The following FANCA variants were observed in gnomAD, a reference collection of about 807,000 sequenced individuals.
FANCA encodes Fanconi anemia group A protein.
A neutral mutation model predicts 194.3 loss-of-function variants in FANCA; 236 were observed. The observed-to-expected ratio is 1.21, with a 90% CI of 1.09 to 1.35. The LOEUF (loss-of-function observed/expected upper bound fraction) is 1.35. Among genes scored for constraint, FANCA ranks in the 40% most tolerant of loss-of-function variants. The pLI, the probability that FANCA is intolerant of heterozygous loss-of-function variation, is 0.00. For missense variants in FANCA, 2,628 were observed against 1,813.9 expected (o/e 1.45, Z -8.15); for synonymous variants, 1,014 against 715.8 (o/e 1.42, Z -6.65).
In FANCA at chr16:89,740,058, T is replaced by C. The variant is rs780156842; in HGVS notation, c.3870A>G (p.Ala1290=). 9 of 1,614,050 alleles carry C rather than the reference T, an allele frequency of 5.6e-6. No homozygotes were observed. The South Asian group carries it at 9.9e-5, about 18-fold the overall frequency. ...TCCTCTTCTCTAAACACTCGAGGATTGCTGCACAAACGTGGAAAGCCTTTG... is the reference window on the plus strand; with the variant it reads ...TCCTCTTCTCTAAACACTCGAGGATCGCTGCACAAACGTGGAAAGCCTTTG... ...DLPKAFHVCA[A]ILECLEKRKI... is the part of the protein sequence containing the mutation. Residue 1290 remains alanine, a synonymous_variant, in exon 39 of 43, where the codon GCA becomes GCG. Transcript: ENST00000389301.
intron 8 of FANCA, among the ~76,000 whole-genome samples, chr16:89,800,340 G>C (rs1048723451): frequency 9.9e-5 from 15 of 152,202 alleles, no homozygotes; most frequent in Admixed American, 5.9e-4. Flanking sequence ...TGGGCTTAAA[G>C]CATACCACTA....
At position 89,775,834 on chromosome 16, in the gene FANCA, A is replaced by G. The variant is rs370677007; in HGVS notation, c.1827-19T>C. 6.5e-5 allele frequency: 102 copies of G among 1,579,432 alleles called. 1 individual carries two copies. In the African/African-American group the frequency reaches 1.3e-3, roughly 21 times the overall value. ...ATCTGCTCTGGATCACAGGAAAACAATACAATTAAGTCAGCTATGGCTTAA... is the reference window on the plus strand; with the variant it reads ...ATCTGCTCTGGATCACAGGAAAACAGTACAATTAAGTCAGCTATGGCTTAA... On this transcript the variant is annotated intron_variant, in intron 20 of 42. Transcript: ENST00000389301.
At chr16:89,760,381 T>C (rs1329087712) in intron 29 of FANCA, among the ~76,000 whole-genome samples, 2 of 152,228 alleles carry the variant, frequency 1.3e-5, no homozygotes, top group African/African-American at 4.8e-5. Flanking sequence ...ATCCAGAATC[T>C]GATACCAGGA....
At chr16:89,745,545 C>A (rs1472425375) in intron 35 of FANCA, among the ~76,000 whole-genome samples, 2 of 114,724 alleles carry the variant, frequency 1.7e-5, no homozygotes, top group African/African-American at 9.0e-5. Context: ...GGGAACGAAA[C>A]AGTGAAGGGA....
rs781641939 is a variant in FANCA at position 89,816,493 on chromosome 16, GGGCCGGACGCCGCCCACTCCCGC to G, written c.79+21_79+43del. The G allele has an allele frequency of 1.7e-5, 24 of 1,451,622 alleles. No individual in the cohort carries two copies. The highest frequency in any genetic ancestry group is 3.0e-5 in the East Asian group (1 of 33,596). 89.9% of individuals were successfully genotyped at this position (1,451,622 alleles called of 1,614,324 possible). On this transcript the variant is annotated intron_variant, in intron 1 of 42. Transcript: ENST00000389301. ...ATCGGGGAACCGGCGAAACCGTCCC[GGGCCGGACGCCGCCCACTCCCGC>G]GGCCTGCCGCGCCCACCTACCCAGC...
At position 89,769,925 on chromosome 16, in the gene FANCA, G is replaced by A. The variant is rs747545118; in HGVS notation, c.2416C>T (p.Pro806Ser). 5.0e-6 allele frequency: 8 copies of A among 1,613,950 alleles called. No individual in the cohort carries two copies. Among genetic ancestry groups the A allele is most frequent in the Non-Finnish European group, 6.8e-6 (8 of 1,179,998 alleles). The stretch of plus-strand genomic sequence containing the variant: ...ACAGGAAGGCCAGCACCAGGTGCAG[G>A]AGGACCCACATCCACCTCTGGGAGC... ...SALPEVDVGP[P>S]APGAGLPVPA... is the part of the protein sequence containing the mutation. The change falls in exon 26 of 43, where the codon CCT (proline) becomes TCT (serine). Residue 806 changes from proline to serine, a missense_variant. Physicochemically the swap from Pro to Ser is moderately conservative, Grantham distance 74 (BLOSUM62 -1). Coordinates refer to ENST00000389301, the MANE Select transcript of FANCA (RefSeq NM_000135.4).
In FANCA at chr16:89,760,920, G is replaced by C. The variant is rs534884715; in HGVS notation, c.2852+1029C>G. Among the ~76,000 whole-genome samples, 6 of 152,246 alleles carry C rather than the reference G, an allele frequency of 3.9e-5. No individual in the cohort carries two copies. The South Asian group carries it at 1.0e-3, about 26-fold the overall frequency. On this transcript the variant is annotated intron_variant, in intron 29 of 42. Coordinates refer to ENST00000389301, the MANE Select transcript of FANCA (RefSeq NM_000135.4). ...CCTGGACACAGGTGTACAGCTCCCG[G>C]ACAGCAGCCATAGCCCAGCCAGGGT...
chr16:89,795,023 G>A (rs1237418528), intron 11 of FANCA, among the ~76,000 whole-genome samples: 2 of 152,176 alleles, frequency 1.3e-5, no homozygotes, highest in African/African-American at 2.4e-5. Flanking sequence ...AGCGGCACAC[G>A]CCTGTAATCC....
At chr16:89,790,861 C>T (rs2040046317) in intron 14 of FANCA, among the ~76,000 whole-genome samples, 5 of 151,740 alleles carry the variant, frequency 3.3e-5, no homozygotes, top group Admixed American at 3.3e-4. Flanking sequence ...ATGGAGTCTC[C>T]TTCTGTCACC....
intron 14 of FANCA, among the ~76,000 whole-genome samples, chr16:89,785,870 T>C (rs1567631358): frequency 4.0e-5 from 6 of 149,482 alleles, no homozygotes. Flanking sequence ...TTTTTTTTTT[T>C]TGGAGACAGA....
intron 6 of FANCA, 79 bp from the exon 7 acceptor site, chr16:89,805,471 A>AT (rs34937702): frequency 0.019 from 20,748 of 1,064,844 alleles, 81 homozygotes; most frequent in Non-Finnish European, 0.025. Context: ...ATATGTCCCA[A>AT]TTTTTTTTTT....
intron 2 of FANCA, 54 bp downstream of exon 2, chr16:89,815,823 C>G: frequency 7.2e-7 from 1 of 1,387,870 alleles, no homozygotes; most frequent in East Asian, 2.3e-5. Context: ...GGTGGCTGGA[C>G]TCAAAAACCC....
chr16:89,813,391 G>A (rs893576740), intron 3 of FANCA, among the ~76,000 whole-genome samples: 2 of 146,406 alleles, frequency 1.4e-5, no homozygotes, highest in Non-Finnish European at 3.0e-5. Flanking sequence ...CCAGGCAACA[G>A]AGTGAGACCC....
At chr16:89,801,857 T>C (rs1191036014) in intron 8 of FANCA, among the ~76,000 whole-genome samples, 2 of 151,434 alleles carry the variant, frequency 1.3e-5, no homozygotes, top group Non-Finnish European at 2.9e-5. Context: ...CACTGCACTC[T>C]AGCCTGAGCA....
intron 27 of FANCA, among the ~76,000 whole-genome samples, chr16:89,766,701 C>G (rs933139924): frequency 3.4e-5 from 5 of 145,686 alleles, no homozygotes; most frequent in African/African-American, 1.0e-4. Context: ...GGCGACAGAG[C>G]AAGACTCCAT....
In FANCA at chr16:89,770,256, C is replaced by T. The variant is rs1336946372; in HGVS notation, c.2226G>A (p.Gln742=). Residue 742 remains glutamine, a synonymous_variant, in exon 25 of 43, where the codon CAG becomes CAA. Coordinates refer to ENST00000389301, the MANE Select transcript of FANCA (RefSeq NM_000135.4). ...AASSVAPPER[Q]GPWAALFVRT... ...TCACGAAGAGGGCAGCCCAGGGACCCTGCCTGCAGAGACAGCCGTGAAACC... is the reference window on the plus strand; with the variant it reads ...TCACGAAGAGGGCAGCCCAGGGACCTTGCCTGCAGAGACAGCCGTGAAACC... The T allele has an allele frequency of 1.4e-5, 22 of 1,574,230 alleles. No individual in the cohort carries two copies. The highest frequency in any genetic ancestry group is 1.9e-5 in the Admixed American group (1 of 53,174).
chr16:89,770,321 G>A, intron 24 of FANCA, 62 bp from the exon 25 acceptor site: 1 of 1,409,438 alleles, frequency 7.1e-7, no homozygotes, highest in South Asian at 1.2e-5. Flanking sequence ...CCCTCCAACA[G>A]CTAATCCAAC....
rs566196062 is a variant in FANCA at position 89,808,480 on chromosome 16, C to G, written c.523-113G>C. 6 of 1,106,864 alleles carry G rather than the reference C, an allele frequency of 5.4e-6. No individual in the cohort carries two copies. The African/African-American group carries it at 9.5e-5, about 18-fold the overall frequency. The allele number at this position is 1,106,864 out of a possible 1,614,324, so 68.6% of individuals were successfully genotyped here. A position where few individuals can be genotyped will look rare whatever the true frequency, so the allele number is the denominator to read the frequency against. ...GTTCAACTTAGGTTCTTAACCATGC[C>G]GTATTGAAAATTAACCTCAAGCAAA... On this transcript the variant is annotated intron_variant, in intron 5 of 42. Coordinates refer to ENST00000389301, the MANE Select transcript of FANCA (RefSeq NM_000135.4).
chr16:89,782,946 A>C (rs2039770771), intron 16 of FANCA, 28 bp from the exon 17 acceptor site: 1 of 1,613,476 alleles, frequency 6.2e-7, no homozygotes, highest in Admixed American at 1.7e-5. Context: ...AATGAGAACA[A>C]GAAAACAAAG....
Sources: gnomAD v4.1 joint callset for allele counts (sites outside exome capture counted in the v4.1 genomes callset) on GRCh38, gnomAD v4.1.1 for gene constraint, MANE v1.5 for transcripts, NCBI Gene and HGNC (gene_info 2026-07-23, HGNC 2026-07-21) for gene names.